Variants in ATL2 observed in about 807,000 individuals in gnomAD.
The protein encoded by ATL2 is atlastin GTPase 2.
ATL2 carries 31 observed loss-of-function variants against 73.9 expected under a neutral mutation model. The observed-to-expected ratio is 0.42, with a 90% CI of 0.32 to 0.57. ATL2 has a LOEUF of 0.57. Ranked by LOEUF, ATL2 falls within the 20% of genes least tolerant of loss-of-function variation. The pLI is 0.14. For missense variants in ATL2, 738 were observed against 702.6 expected (o/e 1.05, Z -0.57); for synonymous variants, 291 against 237.5 (o/e 1.23, Z -2.07).
intron 12 of ATL2, chr2:38,296,596 A>G: frequency 6.2e-7 from 1 of 1,613,532 alleles, no homozygotes; most frequent in Non-Finnish European, 8.5e-7. Context: ...AACACCTAAA[A>G]CATGAAGTGA....
intron 1 of ATL2, among the ~76,000 whole-genome samples, chr2:38,359,861 C>G (rs1398118726): frequency 6.6e-6 from 1 of 152,054 alleles, no homozygotes; most frequent in African/African-American, 2.4e-5. Context: ...GGCGCGGTGG[C>G]TCACGCCTGT....
Position 38,299,842 on chromosome 2 carries a change from G to A in ATL2, c.1128+430C>T, listed in dbSNP as rs530545697. Reference sequence around the variant, plus strand: ...ACACTGTCCCAAAAGACCACCATTTGAAAGACAGAAAAAGAAGTGAGACTA... The same window carrying A: ...ACACTGTCCCAAAAGACCACCATTTAAAAGACAGAAAAAGAAGTGAGACTA... On this transcript the variant is annotated intron_variant, in intron 10 of 12. Transcript: ENST00000378954. Among the ~76,000 whole-genome samples the A allele has an allele frequency of 1.1e-4, 17 of 152,296 alleles. No homozygotes were observed. The South Asian group carries it at 3.5e-3, about 32-fold the overall frequency.
At chr2:38,317,217 T>G (rs1668071678) in intron 4 of ATL2, among the ~76,000 whole-genome samples, 1 of 152,110 alleles carries the variant, frequency 6.6e-6, no homozygotes, top group Admixed American at 6.6e-5. Flanking sequence ...GAACAATTTC[T>G]TATCTTGGGA....
intron 1 of ATL2, among the ~76,000 whole-genome samples, chr2:38,375,124 C>A (rs1023701839): frequency 1.3e-5 from 2 of 152,136 alleles, no homozygotes; most frequent in African/African-American, 4.8e-5. Flanking sequence ...AAACACAAAG[C>A]CTCTCCCTAA....
At chr2:38,305,535 C>T (rs1345396774) in intron 9 of ATL2, among the ~76,000 whole-genome samples, 2 of 151,772 alleles carry the variant, frequency 1.3e-5, no homozygotes, top group African/African-American at 2.4e-5. Context: ...GGCAAAACAG[C>T]GACACTTGGT....
intron 2 of ATL2, among the ~76,000 whole-genome samples, chr2:38,337,622 GAC>G (rs1340629712): frequency 2.7e-5 from 4 of 149,016 alleles, no homozygotes; most frequent in Admixed American, 6.8e-5. Flanking sequence ...ATTTTTAAGA[GAC>G]ACATACTGTA....
intron 1 of ATL2, among the ~76,000 whole-genome samples, chr2:38,375,384 A>C (rs567726930): frequency 6.6e-6 from 1 of 152,344 alleles, no homozygotes; most frequent in Non-Finnish European, 1.5e-5. Flanking sequence ...AATGGCTATC[A>C]AGTGAAGGTC....
intron 9 of ATL2, 46 bp downstream of exon 9, chr2:38,309,333 C>A (rs1246508111): frequency 1.3e-6 from 2 of 1,537,800 alleles, no homozygotes; most frequent in African/African-American, 1.4e-5. Flanking sequence ...AGTTTTAAGT[C>A]AACTACATTT....
At chr2:38,329,423 CAAAAAAAAAAAAAAAA>C (rs70954711) in intron 2 of ATL2, among the ~76,000 whole-genome samples, 563 of 13,682 alleles carry the variant, frequency 0.041, 24 homozygotes, top group Non-Finnish European at 0.057. Context: ...ACTCCATCTC[CAAAAAAAAAAAAAAAA>C]AAAAAAAAAA....
chr2:38,372,376 T>C (rs569687499), intron 1 of ATL2, among the ~76,000 whole-genome samples: 17 of 152,284 alleles, frequency 1.1e-4, no homozygotes, highest in Admixed American at 8.5e-4. Context: ...TTAGGTATTA[T>C]AGTGTAGAGA....
At chr2:38,320,156 T>C (rs1393328461) in intron 2 of ATL2, among the ~76,000 whole-genome samples, 1 of 152,144 alleles carries the variant, frequency 6.6e-6, no homozygotes, top group Non-Finnish European at 1.5e-5. Flanking sequence ...CAAGACTTGT[T>C]TGGAGCCTGA....
intron 1 of ATL2, among the ~76,000 whole-genome samples, chr2:38,356,370 G>T (rs1274065413): frequency 6.6e-6 from 1 of 151,362 alleles, no homozygotes; most frequent in Non-Finnish European, 1.5e-5. Flanking sequence ...TAAATTTTTT[G>T]TAGAGATAGG....
intron 2 of ATL2, among the ~76,000 whole-genome samples, chr2:38,329,970 A>T (rs1417634127): frequency 1.3e-5 from 2 of 152,054 alleles, no homozygotes; most frequent in Non-Finnish European, 2.9e-5. Context: ...CTCTACTAAA[A>T]ATACAAAAAT....
intron 1 of ATL2, among the ~76,000 whole-genome samples, chr2:38,361,804 T>C (rs889583863): frequency 3.9e-5 from 6 of 152,186 alleles, no homozygotes; most frequent in Non-Finnish European, 8.8e-5. Context: ...AATGAAATAA[T>C]CCTCTCAACA....
chr2:38,341,846 T>G (rs1171098732), intron 2 of ATL2, among the ~76,000 whole-genome samples: 1 of 152,200 alleles, frequency 6.6e-6, no homozygotes, highest in East Asian at 1.9e-4. Flanking sequence ...ATTTCTTACC[T>G]CGAAGAGAAT....
chr2:38,335,573 C>T (rs1669303162), intron 2 of ATL2, among the ~76,000 whole-genome samples: 1 of 152,058 alleles, frequency 6.6e-6, no homozygotes, highest in South Asian at 2.1e-4. Flanking sequence ...ACAAAGGTGG[C>T]CCTTGAGAGC....
At chr2:38,312,952 G>A (rs1435734578) in intron 7 of ATL2, among the ~76,000 whole-genome samples, 199 bp downstream of exon 7, 1 of 152,128 alleles carries the variant, frequency 6.6e-6, no homozygotes, top group East Asian at 1.9e-4. Context: ...CCTTAATTTT[G>A]ATTCAAGGAC....
chr2:38,364,402 G>C (rs1412706858), intron 1 of ATL2, among the ~76,000 whole-genome samples: 2 of 152,230 alleles, frequency 1.3e-5, no homozygotes, highest in African/African-American at 4.8e-5. Context: ...AAAGTGATGA[G>C]TAAGAAGTGT....
At chr2:38,363,356 G>A (rs1454985668) in intron 1 of ATL2, among the ~76,000 whole-genome samples, 2 of 129,570 alleles carry the variant, frequency 1.5e-5, no homozygotes, top group African/African-American at 5.9e-5. Context: ...AATACAAGTT[G>A]TTTATTAAAA....
Sources: allele counts gnomAD v4.1 joint callset (sites outside exome capture counted in the v4.1 genomes callset), GRCh38; gene constraint gnomAD v4.1.1; transcripts MANE v1.5; gene names NCBI Gene and HGNC (gene_info 2026-07-23, HGNC 2026-07-21).